Variants in POLD1 observed in about 807,000 individuals in gnomAD.
The protein encoded by POLD1 is DNA polymerase delta catalytic subunit.
A neutral mutation model predicts 129.7 loss-of-function variants in POLD1; 79 were observed. The observed-to-expected ratio is 0.61, with a 90% CI of 0.51 to 0.73. The LOEUF is 0.73. POLD1 is among the 30% of genes least tolerant of loss of function. POLD1 has a pLI of 0.00. For synonymous variants in POLD1, 714 were observed against 683.3 expected (o/e 1.04, Z -0.70); for missense variants, 1,338 against 1,595.8 (o/e 0.84, Z 2.75).
chr19:50,401,391 A>ATATT (rs1334231607), intron 3 of POLD1, among the ~76,000 whole-genome samples: 32 of 65,956 alleles, frequency 4.9e-4, no homozygotes, highest in Non-Finnish European at 5.4e-4. Context: ...ATATATATAT[A>ATATT]TTTTTTTTTT....
At chr19:50,412,071 C>T (rs2039106574) in intron 17 of POLD1, among the ~76,000 whole-genome samples, 1 of 152,188 alleles carries the variant, frequency 6.6e-6, no homozygotes, top group Non-Finnish European at 1.5e-5. Flanking sequence ...GGCTTGAACC[C>T]AGCAGTTTGA....
intron 1 of POLD1, among the ~76,000 whole-genome samples, chr19:50,385,268 G>A (rs1036196174): frequency 3.3e-5 from 5 of 152,306 alleles, no homozygotes; most frequent in African/African-American, 1.2e-4. Context: ...ACCTTTGCGG[G>A]CGGAGACAGG....
intron 3 of POLD1, among the ~76,000 whole-genome samples, chr19:50,401,304 T>C (rs1455514731): frequency 1.4e-5 from 2 of 145,986 alleles, no homozygotes; most frequent in Non-Finnish European, 3.0e-5. Flanking sequence ...TATATTAATA[T>C]ATTTTGTAGA....
Position 50,409,270 on chromosome 19 carries a change from C to A in POLD1, c.2006+35C>A, listed in dbSNP as rs753199845. ...GGAGATCGCCTGCTTGGAGCTCAGA[C>A]CTGTTGGGGCCTCTGGGCAATCCCT... On this transcript the variant is annotated intron_variant, in intron 16 of 26. Coordinates refer to ENST00000440232, the MANE Select transcript of POLD1 (RefSeq NM_002691.4). This position sits in a 1 kb window ranked among gnomAD's most constrained non-coding sequence, Gnocchi z 5.8. 4.2e-6 allele frequency: 6 copies of A among 1,436,812 alleles called. No individual in the cohort carries two copies. The highest frequency in any genetic ancestry group is 3.5e-5 in the South Asian group (3 of 86,882). 89.0% of individuals were successfully genotyped at this position (1,436,812 alleles called of 1,614,324 possible).
chr19:50,402,411 A>G (rs1317727203), intron 6 of POLD1, 38 bp downstream of exon 6: 1 of 1,612,458 alleles, frequency 6.2e-7, no homozygotes, highest in East Asian at 2.2e-5. Flanking sequence ...CTCTATCCCC[A>G]CCCTCGGGCA....
chr19:50,399,606 G>T (rs1367146561), intron 3 of POLD1, 122 bp downstream of exon 3: 1 of 695,242 alleles, frequency 1.4e-6, no homozygotes, highest in Non-Finnish European at 2.6e-6. Flanking sequence ...AGCCCCTCTG[G>T]CTCTGCCCCT....
Position 50,416,436 on chromosome 19 carries a change from C to T in POLD1, c.2861C>T (p.Thr954Met), listed in dbSNP as rs374016016. 155 of 1,549,842 alleles carry T rather than the reference C, an allele frequency of 1.0e-4. No individual in the cohort carries two copies. The highest frequency in any genetic ancestry group is 1.1e-4 in the Non-Finnish European group (130 of 1,147,408). ...CTGGAGCACAGCCTGCCCATTGACA[C>T]GCAGTACTACCTGGAGCAGCAGCTG... ...FVLEHSLPID[T>M]QYYLEQQLAK... Residue 954 changes from threonine to methionine, a missense_variant, in exon 23 of 27, where the codon ACG becomes ATG. Physicochemically the swap from Thr to Met is moderately conservative, Grantham distance 81 (BLOSUM62 -1). Coordinates refer to ENST00000440232, the MANE Select transcript of POLD1 (RefSeq NM_002691.4).
intron 1 of POLD1, 153 bp from the exon 2 acceptor site, chr19:50,398,698 C>A: frequency 2.3e-6 from 3 of 1,294,126 alleles, no homozygotes; most frequent in South Asian, 1.4e-5. Context: ...GTGCTCCCAC[C>A]CCACTGCCTG....
At chr19:50,389,585 CTTA>C (rs1379364939) in intron 1 of POLD1, among the ~76,000 whole-genome samples, 1 of 149,010 alleles carries the variant, frequency 6.7e-6, no homozygotes, top group Non-Finnish European at 1.5e-5. Flanking sequence ...TAAATAATTT[CTTA>C]TTTTTTTTTT....
intron 14 of POLD1, among the ~76,000 whole-genome samples, chr19:50,408,482 G>T (rs1244513734): frequency 6.6e-6 from 1 of 152,116 alleles, no homozygotes; most frequent in Non-Finnish European, 1.5e-5. Flanking sequence ...CTAGGCTCAA[G>T]CAATCCTCCT....
intron 17 of POLD1, among the ~76,000 whole-genome samples, chr19:50,412,463 T>TAA (rs985353537): frequency 3.0e-3 from 401 of 133,304 alleles, no homozygotes; most frequent in African/African-American, 0.01. Context: ...TCCTGTCTCT[T>TAA]AAAAAAAAAA....
chr19:50,387,982 A>G (rs1601161305), intron 1 of POLD1, among the ~76,000 whole-genome samples: 1 of 152,218 alleles, frequency 6.6e-6, no homozygotes, highest in East Asian at 1.9e-4. Flanking sequence ...TACAGCGGAA[A>G]AGTACTCAGC....
intron 26 of POLD1, 98 bp from the exon 27 acceptor site, chr19:50,417,744 A>G (rs1034673568): frequency 6.4e-6 from 3 of 467,918 alleles, no homozygotes; most frequent in African/African-American, 6.4e-5. Context: ...GCTGGGCAGC[A>G]GGCGGGGACC....
In POLD1 at chr19:50,402,142, A is replaced by C. The variant is rs2122241332; in HGVS notation, c.589+18A>C. On this transcript the variant is annotated intron_variant, in intron 5 of 26. Transcript: ENST00000440232. ...CCGAGAGAGTGAGTGCTCCCCCAGGATCAGCGGGTTGGAGGGTCCCCTCGG... is the reference window on the plus strand; with the variant it reads ...CCGAGAGAGTGAGTGCTCCCCCAGGCTCAGCGGGTTGGAGGGTCCCCTCGG... 6.2e-7 allele frequency: 1 copy of C among 1,603,218 alleles called. No homozygotes were observed. Among genetic ancestry groups the C allele is most frequent in the African/African-American group, 1.3e-5 (1 of 74,908 alleles).
At chr19:50,417,379 C>T (rs1328290867) in intron 26 of POLD1, 110 bp downstream of exon 26, 4 of 686,660 alleles carry the variant, frequency 5.8e-6, no homozygotes, top group African/African-American at 3.6e-5. Context: ...ATCCTCCCCG[C>T]CCATCCCCTT....
chr19:50,402,478 C>G lies in POLD1; in HGVS notation c.783C>G (p.Val261=), dbSNP rs34269084. ...EIRFMVDTDI[V]GCNWLELPAG... ...GGTTCATGGTGGACACGGACATCGT[C>G]GGCTGCAACTGGCTGGAGCTCCCAG... The change falls in exon 7 of 27, where the codon GTC becomes GTG. Residue 261 remains valine, a synonymous_variant. Transcript: ENST00000440232. 7 of 1,612,252 alleles carry G rather than the reference C, an allele frequency of 4.3e-6. No individual in the cohort carries two copies. Among genetic ancestry groups the G allele is most frequent in the Admixed American group, 1.7e-5 (1 of 59,714 alleles).
In POLD1 at chr19:50,416,611, G is replaced by C. The variant is rs770495723; in HGVS notation, c.2955G>C (p.Arg985=). Residue 985 remains arginine, a splice_region_variant and synonymous_variant, in exon 24 of 27, where the codon CGG becomes CGC. Coordinates refer to ENST00000440232, the MANE Select transcript of POLD1 (RefSeq NM_002691.4). ...GEGRAEAVLL[R]GDHTRCKTVL... ...CACCACCTGCCTCCTCTCCTGCAGG[G>C]GGGGACCACACGCGCTGCAAGACGG... The C allele has an allele frequency of 6.4e-7, 1 of 1,560,570 alleles. No homozygotes were observed. The highest frequency in any genetic ancestry group is 8.6e-7 in the Non-Finnish European group (1 of 1,156,588).
chr19:50,409,634 G>A lies in POLD1; in HGVS notation c.2122G>A (p.Val708Met), dbSNP rs1060501847. The change falls in exon 17 of 27, where the codon GTG becomes ATG. Residue 708 changes from valine to methionine, a missense_variant. Physicochemically the swap from Val to Met is conservative, Grantham distance 21. Around this residue, in one of 3 missense-constraint regions of POLD1, gnomAD observed 720 missense variants for 1,002.6 expected, o/e 0.72. Transcript: ENST00000440232. The surrounding 1 kb of genome is among the most constrained non-coding windows in gnomAD (Gnocchi z 5.8). ...CGTATACGGCTTCACTGGCGCCCAG[G>A]TGGGCAAGTTGCCGTGCCTGGAGAT... is the stretch of plus-strand genomic sequence containing the variant. The part of the protein sequence containing the change: ...NSVYGFTGAQ[V>M]GKLPCLEISQ... The A allele has an allele frequency of 1.9e-6, 3 of 1,607,434 alleles. No individual in the cohort carries two copies. The African/African-American group carries it at 4.0e-5, about 21-fold the overall frequency.
chr19:50,385,373 TA>T (rs2037934194), intron 1 of POLD1, among the ~76,000 whole-genome samples: 1 of 151,994 alleles, frequency 6.6e-6, no homozygotes, highest in South Asian at 2.1e-4. Flanking sequence ...TGGGGAAGGC[TA>T]AGGGAGAAGC....
Sources: gnomAD v4.1 joint callset for allele counts (sites outside exome capture counted in the v4.1 genomes callset) on GRCh38, gnomAD v4.1.1 for gene constraint, gnomAD v4.1.1 regional missense constraint, Gnocchi (gnomAD v3.1) non-coding constraint, MANE v1.5 for transcripts, NCBI Gene and HGNC (gene_info 2026-07-23, HGNC 2026-07-21) for gene names.